Variants in MBOAT2 observed in about 807,000 individuals in gnomAD.
MBOAT2 encodes the protein membrane-bound glycerophospholipid O-acyltransferase 2.
In MBOAT2, 28 loss-of-function variants were observed where a neutral mutation model predicts 63.4. That is an observed-to-expected ratio of 0.44 (90% CI 0.33 to 0.61). The LOEUF is 0.61. Among genes scored for constraint, MBOAT2 ranks in the 20% least tolerant of loss-of-function variants. The pLI is 0.03. For missense variants in MBOAT2, 470 were observed against 605.8 expected (o/e 0.78, Z 2.35); for synonymous variants, 211 against 215.6 (o/e 0.98, Z 0.19).
chr2:8,879,540 C>T (rs933619729), intron 6 of MBOAT2, among the ~76,000 whole-genome samples: 3 of 152,122 alleles, frequency 2.0e-5, no homozygotes, highest in Admixed American at 6.5e-5. Flanking sequence ...TTCATATCAA[C>T]TATGTGTTGT....
intron 4 of MBOAT2, among the ~76,000 whole-genome samples, chr2:8,892,202 TG>T (rs1664054881): frequency 6.6e-6 from 1 of 152,226 alleles, no homozygotes. Flanking sequence ...AAGGGAAGTC[TG>T]TATATTAATG....
chr2:8,941,654 GAAA>G (rs562089473), intron 3 of MBOAT2, among the ~76,000 whole-genome samples: 1 of 128,554 alleles, frequency 7.8e-6, no homozygotes, highest in African/African-American at 2.9e-5. Context: ...CGTCTCAAAG[GAAA>G]AAAAAAAAAA....
intron 3 of MBOAT2, among the ~76,000 whole-genome samples, chr2:8,942,681 T>G (rs1668138593): frequency 6.6e-6 from 1 of 152,146 alleles, no homozygotes; most frequent in South Asian, 2.1e-4. Context: ...AGTGCTTCCA[T>G]CTACTCTACT....
chr2:8,898,264 G>T (rs1664637298), intron 4 of MBOAT2, among the ~76,000 whole-genome samples: 1 of 152,182 alleles, frequency 6.6e-6, no homozygotes, highest in Non-Finnish European at 1.5e-5. Context: ...CGTTCTACTA[G>T]ATGAGTATTT....
intron 9 of MBOAT2, 131 bp from the exon 10 acceptor site, chr2:8,864,365 C>T (rs1477845338): frequency 1.5e-5 from 7 of 462,294 alleles, no homozygotes; most frequent in Non-Finnish European, 2.6e-5. Context: ...ATTTCTCTTT[C>T]CTTAATCTTG....
intron 3 of MBOAT2, among the ~76,000 whole-genome samples, chr2:8,927,780 A>T (rs1667036178): frequency 6.6e-6 from 1 of 152,204 alleles, no homozygotes; most frequent in South Asian, 2.1e-4. Context: ...GTCACCTATC[A>T]GTGTCAGGCA....
chr2:8,879,950 G>A (rs1282541130), intron 6 of MBOAT2, among the ~76,000 whole-genome samples: 1 of 152,158 alleles, frequency 6.6e-6, no homozygotes, highest in Non-Finnish European at 1.5e-5. Context: ...TTGATAGAGT[G>A]AGCTGCACAG....
chr2:8,893,918 G>A (rs1664214018), intron 4 of MBOAT2, among the ~76,000 whole-genome samples: 1 of 152,150 alleles, frequency 6.6e-6, no homozygotes, highest in African/African-American at 2.4e-5. Flanking sequence ...GGCCCTGCAG[G>A]CCTGTCACCA....
chr2:9,001,722 A>C (rs912076387), intron 1 of MBOAT2, among the ~76,000 whole-genome samples: 6 of 152,222 alleles, frequency 3.9e-5, no homozygotes, highest in African/African-American at 1.4e-4. Flanking sequence ...TGGATGCTTA[A>C]ATGCGTTCAT....
chr2:8,968,194 G>A (rs1053550834), intron 1 of MBOAT2, among the ~76,000 whole-genome samples: 2 of 151,978 alleles, frequency 1.3e-5, no homozygotes, highest in South Asian at 2.1e-4. Flanking sequence ...CCAGAGGAAC[G>A]ATCAGGCAGC....
At chr2:8,867,115 C>T (rs1357210289) in intron 9 of MBOAT2, among the ~76,000 whole-genome samples, 2 of 152,080 alleles carry the variant, frequency 1.3e-5, no homozygotes. Flanking sequence ...GTGCAAGTGG[C>T]ACGATCACGG....
intron 6 of MBOAT2, among the ~76,000 whole-genome samples, chr2:8,879,073 C>T (rs1365675621): frequency 7.9e-6 from 1 of 126,660 alleles, no homozygotes; most frequent in Non-Finnish European, 1.6e-5. Flanking sequence ...GAGACTCCGT[C>T]TCAAAAAAAA....
intron 1 of MBOAT2, among the ~76,000 whole-genome samples, chr2:9,002,058 C>A: frequency 6.7e-6 from 1 of 150,080 alleles, no homozygotes; most frequent in Non-Finnish European, 1.5e-5. Flanking sequence ...ACACTGCACA[C>A]CAGTGTGGAA....
At chr2:8,887,879 A>G (rs1175404858) in intron 5 of MBOAT2, 139 bp downstream of exon 5, 1 of 791,360 alleles carries the variant, frequency 1.3e-6, no homozygotes, top group African/African-American at 1.7e-5. Flanking sequence ...CATAATCCTA[A>G]GCACAGTTAA....
Position 8,969,351 on chromosome 2 carries a change from T to G in MBOAT2, c.76-10709A>C, listed in dbSNP as rs191923131. ...GATTTTGTCACTACCAGGCCTGCCC[T>G]AAAAGAGCTCCTGAAGGAAGCACTA... On this transcript the variant is annotated intron_variant, in intron 1 of 12. Coordinates refer to ENST00000305997, the MANE Select transcript of MBOAT2 (RefSeq NM_138799.4). Among the ~76,000 whole-genome samples, 359 of 152,222 alleles carry G rather than the reference T, an allele frequency of 2.4e-3. 4 individuals are homozygous for G. Among genetic ancestry groups the G allele is most frequent in the African/African-American group, 8.3e-3 (343 of 41,514 alleles).
intron 8 of MBOAT2, among the ~76,000 whole-genome samples, chr2:8,871,320 T>C (rs1485798209): frequency 6.6e-6 from 1 of 152,198 alleles, no homozygotes; most frequent in Non-Finnish European, 1.5e-5. Context: ...TGTATATTTT[T>C]ACATATTTAC....
At chr2:8,872,571 C>T (rs1662402253) in intron 8 of MBOAT2, among the ~76,000 whole-genome samples, 1 of 152,164 alleles carries the variant, frequency 6.6e-6, no homozygotes, top group African/African-American at 2.4e-5. Context: ...GGTGAGCCAC[C>T]ATAACTGGCC....
intron 5 of MBOAT2, among the ~76,000 whole-genome samples, chr2:8,884,546 C>T (rs1663405363): frequency 6.6e-6 from 1 of 150,584 alleles, no homozygotes; most frequent in Non-Finnish European, 1.5e-5. Flanking sequence ...TTTAAAAACT[C>T]CTTATCCTTT....
chr2:8,972,584 C>G (rs1670527118), intron 1 of MBOAT2, among the ~76,000 whole-genome samples: 1 of 152,130 alleles, frequency 6.6e-6, no homozygotes, highest in Non-Finnish European at 1.5e-5. Context: ...AACAGGCAAC[C>G]TACAGGATGG....
Sources: gnomAD v4.1 joint callset for allele counts (sites outside exome capture counted in the v4.1 genomes callset) on GRCh38, gnomAD v4.1.1 for gene constraint, MANE v1.5 for transcripts, NCBI Gene and HGNC (gene_info 2026-07-23, HGNC 2026-07-21) for gene names.